The following NDRG1 variants were observed in gnomAD, a reference collection of about 807,000 sequenced individuals.
NDRG1 encodes the protein protein NDRG1.
In NDRG1, 32 loss-of-function variants were observed where a neutral mutation model predicts 56.9. The ratio of observed to expected loss-of-function variants is 0.56; its 90% confidence interval spans 0.42 to 0.76. The LOEUF (loss-of-function observed/expected upper bound fraction) is 0.76. NDRG1 is among the 30% of genes least tolerant of loss of function. The probability of loss-of-function intolerance (pLI) is 0.00; values close to 1 mark genes in which losing one functional copy is unlikely to be tolerated. For synonymous variants in NDRG1, 211 were observed against 204.1 expected (o/e 1.03, Z -0.29); for missense variants, 507 against 545.7 (o/e 0.93, Z 0.71).
intron 5 of NDRG1, among the ~76,000 whole-genome samples, chr8:133,260,927 T>G (rs1856629861): frequency 6.6e-6 from 1 of 152,028 alleles, no homozygotes; most frequent in African/African-American, 2.4e-5. Context: ...GATTGGGGGA[T>G]CCAACAAGCT....
At chr8:133,261,631 T>C (rs891335986) in intron 5 of NDRG1, among the ~76,000 whole-genome samples, 5 of 152,226 alleles carry the variant, frequency 3.3e-5, no homozygotes, top group Non-Finnish European at 5.9e-5. Flanking sequence ...CCCAGACTTC[T>C]AGGTTTTTCT....
At chr8:133,244,093 T>A (rs1377978593) in intron 14 of NDRG1, among the ~76,000 whole-genome samples, 1 of 152,154 alleles carries the variant, frequency 6.6e-6, no homozygotes, top group Non-Finnish European at 1.5e-5. Flanking sequence ...GGGGCAGACA[T>A]ACCCAGATTC....
intron 1 of NDRG1, among the ~76,000 whole-genome samples, chr8:133,290,292 C>T (rs1858359741): frequency 6.6e-6 from 1 of 152,162 alleles, no homozygotes; most frequent in Non-Finnish European, 1.5e-5. Context: ...AGAGCAGCCA[C>T]AGGAAGGCAA....
chr8:133,256,707 A>AGGGG, intron 8 of NDRG1, 70 bp downstream of exon 8: 1 of 1,458,412 alleles, frequency 6.9e-7, no homozygotes, highest in Admixed American at 1.7e-5. Flanking sequence ...GGGATCCCCC[A>AGGGG]GGCAGAGGCT....
At position 133,246,636 on chromosome 8, in the gene NDRG1, T is replaced by C. The variant is rs764640904; in HGVS notation, c.835A>G (p.Thr279Ala). 3.7e-6 allele frequency: 6 copies of C among 1,614,088 alleles called. No individual in the cohort carries two copies. Among genetic ancestry groups the C allele is most frequent in the African/African-American group, 2.7e-5 (2 of 74,928 alleles). Reference sequence around the variant, plus strand: ...TGTACCTTGAGGAGAGTGGTCTTTGTTGGGTCCAATTTTGAGTTGCACTCC... The same window carrying C: ...TGTACCTTGAGGAGAGTGGTCTTTGCTGGGTCCAATTTTGAGTTGCACTCC... ...VVECNSKLDP[T>A]KTTLLKMADC... Residue 279 changes from threonine to alanine, a missense_variant, in exon 13 of 16, where the codon ACA (threonine) becomes GCA (alanine). Thr to Ala is a moderately conservative substitution (Grantham distance 58, BLOSUM62 0). Coordinates refer to ENST00000323851, the MANE Select transcript of NDRG1 (RefSeq NM_006096.4).
chr8:133,287,943 A>ATG (rs1554595683), intron 1 of NDRG1, among the ~76,000 whole-genome samples: 1 of 144,622 alleles, frequency 6.9e-6, no homozygotes, highest in Non-Finnish European at 1.5e-5. Flanking sequence ...GCGTGCACAC[A>ATG]CGCACACACA....
intron 1 of NDRG1, among the ~76,000 whole-genome samples, chr8:133,289,292 C>A (rs1428619392): frequency 6.6e-6 from 1 of 152,064 alleles, no homozygotes; most frequent in Admixed American, 6.6e-5. Context: ...AGCAGTGGGG[C>A]TTAAATTCAA....
At position 133,284,533 on chromosome 8, in the gene NDRG1, C is replaced by T. The variant is rs76043183; in HGVS notation, c.-18-204G>A. Among the ~76,000 whole-genome samples the T allele has an allele frequency of 0.012, 1,839 of 152,286 alleles. 29 individuals are homozygous for T. The highest frequency in any genetic ancestry group is 0.041 in the African/African-American group (1,718 of 41,546). Reference sequence around the variant, plus strand: ...CCCAGTCTTCCCATTGGGGCCAGCGCAGTGGATTTCCTGGGAGAGGATACT... The same window carrying T: ...CCCAGTCTTCCCATTGGGGCCAGCGTAGTGGATTTCCTGGGAGAGGATACT... On this transcript the variant is annotated intron_variant, in intron 1 of 15. Coordinates refer to ENST00000323851, the MANE Select transcript of NDRG1 (RefSeq NM_006096.4).
intron 3 of NDRG1, among the ~76,000 whole-genome samples, chr8:133,267,077 C>T (rs1563630325): frequency 6.6e-6 from 1 of 152,194 alleles, no homozygotes; most frequent in East Asian, 1.9e-4. Context: ...CCGACACTCA[C>T]TTGGAGAACC....
chr8:133,251,983 CA>C (rs1856074417), intron 9 of NDRG1, among the ~76,000 whole-genome samples: 1 of 152,192 alleles, frequency 6.6e-6, no homozygotes, highest in Admixed American at 6.5e-5. Flanking sequence ...CGACCTGGAG[CA>C]GTAAGAAGCA....
At chr8:133,250,390 A>G (rs1855946615) in intron 10 of NDRG1, 50 bp downstream of exon 10, 3 of 1,498,188 alleles carry the variant, frequency 2.0e-6, no homozygotes, top group Non-Finnish European at 2.8e-6. Context: ...TCGGATCTAC[A>G]GAAGACACCT....
At chr8:133,271,591 T>C (rs1207665131) in intron 3 of NDRG1, among the ~76,000 whole-genome samples, 4 of 151,712 alleles carry the variant, frequency 2.6e-5, no homozygotes, top group African/African-American at 4.8e-5. Flanking sequence ...GAGACCAGCA[T>C]CTGCAACATA....
At chr8:133,240,952 G>C (rs1855345678) in intron 15 of NDRG1, 1 of 152,212 alleles carries the variant, frequency 6.6e-6, no homozygotes, top group African/African-American at 2.4e-5. Context: ...CTAGCAGATA[G>C]CTTCTGTTGG....
intron 1 of NDRG1, chr8:133,296,685 CCAGACACAGA>C (rs1202896977): frequency 8.0e-5 from 30 of 374,404 alleles, no homozygotes; most frequent in South Asian, 3.0e-4. Context: ...CTCTCCGTTC[CCAGACACAGA>C]CACACACACA....
At chr8:133,251,991 A>G (rs1856074923) in intron 9 of NDRG1, among the ~76,000 whole-genome samples, 1 of 152,222 alleles carries the variant, frequency 6.6e-6, no homozygotes, top group African/African-American at 2.4e-5. Flanking sequence ...AGCAGTAAGA[A>G]GCAAGGACGA....
rs1857379439 is a variant in NDRG1 at position 133,274,940 on chromosome 8, C to A, written c.99+5292G>T. 2.6e-5 allele frequency among the ~76,000 whole-genome samples: 4 copies of A among 152,212 alleles called. No individual in the cohort carries two copies. The South Asian group carries it at 8.3e-4, about 32-fold the overall frequency. On this transcript the variant is annotated intron_variant, in intron 3 of 15. Transcript: ENST00000323851. ...GGGCGTGGGAGGCCCTCAGTGCTGG[C>A]CTGGCTCATCAGAGGACACTGAAGT...
At position 133,267,506 on chromosome 8, in the gene NDRG1, A is replaced by C. The variant is rs139853822; in HGVS notation, c.100-2854T>G. 3.1e-3 allele frequency among the ~76,000 whole-genome samples: 476 copies of C among 151,944 alleles called. 6 individuals are homozygous for C. The highest frequency in any genetic ancestry group is 0.011 in the African/African-American group (459 of 41,416). Reference sequence around the variant, plus strand: ...CCCTCTCTGCCCCTCAGGGCCCAACACTTCTTTCCTGCCCATAACAGGCAC... The same window carrying C: ...CCCTCTCTGCCCCTCAGGGCCCAACCCTTCTTTCCTGCCCATAACAGGCAC... On this transcript the variant is annotated intron_variant, in intron 3 of 15. Transcript: ENST00000323851.
chr8:133,238,902 G>C lies in NDRG1; in HGVS notation c.1161C>G (p.Pro387=). 6.4e-7 allele frequency: 1 copy of C among 1,557,324 alleles called. No homozygotes were observed. The highest frequency in any genetic ancestry group is 8.7e-7 in the Non-Finnish European group (1 of 1,151,294). The change falls in exon 16 of 16, where the codon CCC becomes CCG. Residue 387 remains proline, a synonymous_variant. Transcript: ENST00000323851. The part of the protein sequence containing the change: ...NSGAAGNSAG[P]KSMEVSC ...CCTAGCAGGAGACCTCCATGGACTTGGGCCCGGCGCTGTTCCCAGCAGCAC... is the reference window on the plus strand; with the variant it reads ...CCTAGCAGGAGACCTCCATGGACTTCGGCCCGGCGCTGTTCCCAGCAGCAC...
At chr8:133,247,053 C>T (rs1174613427) in intron 12 of NDRG1, among the ~76,000 whole-genome samples, 3 of 152,216 alleles carry the variant, frequency 2.0e-5, no homozygotes, top group Non-Finnish European at 2.9e-5. Flanking sequence ...GATCTAACAA[C>T]TATTCTTCAT....
Sources: allele counts gnomAD v4.1 joint callset (sites outside exome capture counted in the v4.1 genomes callset), GRCh38; gene constraint gnomAD v4.1.1; transcripts MANE v1.5; gene names NCBI Gene and HGNC (gene_info 2026-07-23, HGNC 2026-07-21).